PACRG: variants seen among roughly 807,000 people sequenced by gnomAD.
PACRG encodes parkin coregulated gene protein.
In PACRG, 29 loss-of-function variants were observed where a neutral mutation model predicts 29.7. The observed-to-expected ratio is 0.98, with a 90% CI of 0.73 to 1.33. PACRG has a LOEUF of 1.33. Among genes scored for constraint, PACRG ranks in the 40% most tolerant of loss-of-function variants. The pLI, the probability that PACRG is intolerant of heterozygous loss-of-function variation, is 0.00. For synonymous variants in PACRG, 116 were observed against 118.7 expected, an observed-to-expected ratio of 0.98 and a Z score of 0.15; for missense variants, 279 against 316.2, an observed-to-expected ratio of 0.88 and a Z score of 0.89.
intron 1 of PACRG, among the ~76,000 whole-genome samples, chr6:162,805,651 G>A (rs1452729165): frequency 6.6e-6 from 1 of 152,164 alleles, no homozygotes; most frequent in African/African-American, 2.4e-5. Context: ...TTCTCAAATT[G>A]TGCCCATGCT....
chr6:163,232,220 G>A (rs115977956), intron 4 of PACRG, among the ~76,000 whole-genome samples: 2,348 of 152,260 alleles, frequency 0.015, 76 homozygotes, highest in African/African-American at 0.054. Flanking sequence ...GAGAACCCAG[G>A]AGAGCTGAAG....
chr6:162,838,276 G>A (rs115845217), intron 2 of PACRG, among the ~76,000 whole-genome samples: 2 of 152,170 alleles, frequency 1.3e-5, no homozygotes. Context: ...ACAGGCCTCT[G>A]CTCCAGGCAG....
intron 4 of PACRG, among the ~76,000 whole-genome samples, chr6:163,178,449 CA>C (rs1282686344): frequency 2.6e-5 from 4 of 152,192 alleles, no homozygotes; most frequent in African/African-American, 9.7e-5. Flanking sequence ...CGGGCTCCGG[CA>C]GCCACCTTTG....
intron 1 of PACRG, among the ~76,000 whole-genome samples, chr6:162,798,593 A>G (rs1393322088): frequency 6.6e-6 from 1 of 152,206 alleles, no homozygotes; most frequent in Non-Finnish European, 1.5e-5. Flanking sequence ...TAAGAAGAAG[A>G]AAGGAGAAAT....
At position 162,816,512 on chromosome 6, in the gene PACRG, C is replaced by T. The variant is rs544685405; in HGVS notation, c.291+2231C>T. Reference sequence around the variant, plus strand: ...GGACTACAGGCTCCCGCCACCACGCCCGGCTAATTTTTTGTATTTTTAGTA... The same window carrying T: ...GGACTACAGGCTCCCGCCACCACGCTCGGCTAATTTTTTGTATTTTTAGTA... On this transcript the variant is annotated intron_variant, in intron 2 of 4. Coordinates refer to ENST00000366888, the MANE Select transcript of PACRG (RefSeq NM_001080379.2). Among the ~76,000 whole-genome samples, 19 of 152,144 alleles carry T rather than the reference C, an allele frequency of 1.2e-4. No individual in the cohort carries two copies. In the East Asian group the frequency reaches 2.9e-3, roughly 23 times the overall value.
At chr6:162,752,760 A>G (rs1781607296) in intron 1 of PACRG, among the ~76,000 whole-genome samples, 1 of 152,220 alleles carries the variant, frequency 6.6e-6, no homozygotes, top group South Asian at 2.1e-4. Context: ...GACACTAAAC[A>G]AATCTGCTTT....
chr6:163,104,779 A>C (rs757330797), intron 4 of PACRG, among the ~76,000 whole-genome samples: 3 of 152,232 alleles, frequency 2.0e-5, no homozygotes, highest in Non-Finnish European at 2.9e-5. Context: ...AACAAATCAC[A>C]TAGTTCTCCC....
upstream of PACRG, chr6:162,727,315 A>C: frequency 2.6e-5 from 9 of 347,796 alleles, no homozygotes; most frequent in South Asian, 4.1e-5. Flanking sequence ...GGCGGGGCGA[A>C]GGTGAGGGGC....
At chr6:162,909,991 A>C (rs1796197935) in intron 2 of PACRG, among the ~76,000 whole-genome samples, 1 of 152,244 alleles carries the variant, frequency 6.6e-6, no homozygotes, top group African/African-American at 2.4e-5. Flanking sequence ...TGTTAAAATC[A>C]GTGTAAGCTT....
At chr6:163,063,614 C>T (rs1811276800) in intron 3 of PACRG, among the ~76,000 whole-genome samples, 1 of 152,200 alleles carries the variant, frequency 6.6e-6, no homozygotes, top group Non-Finnish European at 1.5e-5. Flanking sequence ...TTCCACAGTT[C>T]TGCTCTTACT....
intron 4 of PACRG, chr6:163,101,529 C>A: frequency 1.9e-6 from 1 of 532,810 alleles, no homozygotes; most frequent in Non-Finnish European, 2.4e-6. Context: ...TTCTTACAAG[C>A]TGTGAGTGTA....
At chr6:163,093,123 T>G (rs1814264775) in intron 4 of PACRG, among the ~76,000 whole-genome samples, 1 of 152,184 alleles carries the variant, frequency 6.6e-6, no homozygotes, top group African/African-American at 2.4e-5. Flanking sequence ...TGGCATAATC[T>G]CTCAGCTTGA....
At chr6:163,087,366 T>A (rs1585183148) in intron 3 of PACRG, among the ~76,000 whole-genome samples, 5 of 98,426 alleles carry the variant, frequency 5.1e-5, no homozygotes, top group Admixed American at 1.2e-4. Flanking sequence ...AGAAGAGAGA[T>A]GGTGAAAATG....
At chr6:162,882,893 G>C (rs1321303732) in intron 2 of PACRG, among the ~76,000 whole-genome samples, 6 of 152,184 alleles carry the variant, frequency 3.9e-5, no homozygotes, top group Non-Finnish European at 7.3e-5. Flanking sequence ...CAGAAACCCT[G>C]ACTAGATCAT....
At chr6:162,849,734 A>G (rs1790703897) in intron 2 of PACRG, among the ~76,000 whole-genome samples, 1 of 152,230 alleles carries the variant, frequency 6.6e-6, no homozygotes, top group African/African-American at 2.4e-5. Context: ...AAATTAGACT[A>G]TAACTTGTAA....
At chr6:162,947,484 C>CAT (rs1339686815) in intron 2 of PACRG, among the ~76,000 whole-genome samples, 5 of 112,980 alleles carry the variant, frequency 4.4e-5, no homozygotes, top group Non-Finnish European at 8.8e-5. Context: ...TATATATAAT[C>CAT]ATATATATAC....
At position 162,880,963 on chromosome 6, in the gene PACRG, C is replaced by G. The variant is rs1793788766; in HGVS notation, c.291+66682C>G. On this transcript the variant is annotated intron_variant, in intron 2 of 4. Coordinates refer to ENST00000366888, the MANE Select transcript of PACRG (RefSeq NM_001080379.2). The stretch of plus-strand genomic sequence containing the variant: ...TGCTGGATGTGTGCACAGAGCCACG[C>G]TCTGTCTGTACATTTACATCTACAG... Among the ~76,000 whole-genome samples the G allele has an allele frequency of 2.0e-5, 3 of 152,210 alleles. No individual in the cohort carries two copies. The South Asian group carries it at 6.2e-4, about 32-fold the overall frequency.
intron 4 of PACRG, among the ~76,000 whole-genome samples, chr6:163,292,385 A>G (rs1001153604): frequency 5.3e-5 from 8 of 152,116 alleles, no homozygotes; most frequent in Admixed American, 4.6e-4. Context: ...ATGGGAAACT[A>G]TCACTGGGCC....
chr6:162,959,821 T>C (rs1315049495), intron 2 of PACRG, among the ~76,000 whole-genome samples: 1 of 152,050 alleles, frequency 6.6e-6, no homozygotes, highest in Non-Finnish European at 1.5e-5. Context: ...GCCAGCAGTA[T>C]GACAGAAAAA....
Sources: allele counts gnomAD v4.1 joint callset (sites outside exome capture counted in the v4.1 genomes callset), GRCh38; gene constraint gnomAD v4.1.1; transcripts MANE v1.5; gene names NCBI Gene and HGNC (gene_info 2026-07-23, HGNC 2026-07-21).